NRSN1: variants seen among roughly 807,000 people sequenced by gnomAD.
The protein encoded by NRSN1 is neurensin-1.
A neutral mutation model predicts 17.3 loss-of-function variants in NRSN1; 14 were observed. The ratio of observed to expected loss-of-function variants is 0.81; its 90% confidence interval spans 0.54 to 1.27. The LOEUF (loss-of-function observed/expected upper bound fraction) is 1.27. Among genes scored for constraint, NRSN1 ranks in the 50% most tolerant of loss-of-function variants. The pLI is 0.00. For synonymous variants in NRSN1, 79 were observed against 94.2 expected, an observed-to-expected ratio of 0.84 and a Z score of 0.93; for missense variants, 209 against 235.9, an observed-to-expected ratio of 0.89 and a Z score of 0.75.
chr6:24,129,064 C>T (rs1221661821), intron 2 of NRSN1: 1 of 152,066 alleles, frequency 6.6e-6, no homozygotes, highest in East Asian at 1.9e-4. Flanking sequence ...TTTAAATTTC[C>T]AACACATTGA....
At chr6:24,129,224 A>T (rs1581546795) in intron 2 of NRSN1, 1 of 152,140 alleles carries the variant, frequency 6.6e-6, no homozygotes, top group East Asian at 1.9e-4. Context: ...TTGCTTCATG[A>T]GTGTGTCTCC....
At chr6:24,142,456 T>C (rs1351245712) in intron 3 of NRSN1, among the ~76,000 whole-genome samples, 1 of 152,064 alleles carries the variant, frequency 6.6e-6, no homozygotes, top group African/African-American at 2.4e-5. Context: ...CTATGCTTTT[T>C]TTCTCTCTCT....
At chr6:24,137,223 A>G (rs371964434) in intron 3 of NRSN1, among the ~76,000 whole-genome samples, 3 of 152,306 alleles carry the variant, frequency 2.0e-5, no homozygotes, top group South Asian at 4.1e-4. Flanking sequence ...GCAGCATGGC[A>G]AGACTTAATG....
At chr6:24,137,536 TTTA>T (rs1760135470) in intron 3 of NRSN1, among the ~76,000 whole-genome samples, 1 of 151,886 alleles carries the variant, frequency 6.6e-6, no homozygotes, top group Non-Finnish European at 1.5e-5. Flanking sequence ...TTTTTTTAAT[TTTA>T]TTATTATTAC....
In NRSN1 at chr6:24,146,206, T is replaced by C; in HGVS notation, c.*260T>C. 1.5e-6 allele frequency: 1 copy of C among 682,084 alleles called. No homozygotes were observed. Among genetic ancestry groups the C allele is most frequent in the Non-Finnish European group, 2.8e-6 (1 of 363,026 alleles). The allele number at this position is 682,084 out of a possible 1,614,324, so 42.3% of individuals were successfully genotyped here. On this transcript the variant is annotated 3_prime_UTR_variant, in exon 4 of 4. Transcript: ENST00000378491. ...CCGGCCACCAGAAAACCCCTGGAAC[T>C]CCTCTTTCATAGATCGTGACTTTGT... is the stretch of plus-strand genomic sequence containing the variant.
At chr6:24,127,394 G>T (rs1431502971) in intron 1 of NRSN1, among the ~76,000 whole-genome samples, 3 of 152,150 alleles carry the variant, frequency 2.0e-5, no homozygotes, top group Non-Finnish European at 4.4e-5. Flanking sequence ...AGGTTCTCCT[G>T]CAAACAAATG....
At position 24,128,134 on chromosome 6, in the gene NRSN1, A is replaced by G. The variant is rs1759977511; in HGVS notation, c.-76A>G. The G allele has an allele frequency of 6.6e-6, 1 of 152,228 alleles. No homozygotes were observed. The highest frequency in any genetic ancestry group is 1.5e-5 in the Non-Finnish European group (1 of 68,034). 9.4% of individuals were successfully genotyped at this position (152,228 alleles called of 1,614,324 possible). A position where few individuals can be genotyped will look rare whatever the true frequency, so the allele number is the denominator to read the frequency against. ...AGACTTTTTTCTTAAATAGGATTGAAGAATGCGCCATTAAAAGGAAAGATC... is the reference window on the plus strand; with the variant it reads ...AGACTTTTTTCTTAAATAGGATTGAGGAATGCGCCATTAAAAGGAAAGATC... On this transcript the variant is annotated 5_prime_UTR_variant, in exon 2 of 4. Coordinates refer to ENST00000378491, the MANE Select transcript of NRSN1 (RefSeq NM_080723.5).
chr6:24,143,982 G>A (rs143957945), intron 3 of NRSN1, among the ~76,000 whole-genome samples: 16 of 152,220 alleles, frequency 1.1e-4, no homozygotes, highest in Middle Eastern at 6.8e-3. Context: ...CGAAGCATGC[G>A]TCCATTTATT....
intron 3 of NRSN1, among the ~76,000 whole-genome samples, chr6:24,144,087 C>T (rs1760261595): frequency 6.6e-6 from 1 of 152,138 alleles, no homozygotes; most frequent in African/African-American, 2.4e-5. Context: ...GTTTAACCTC[C>T]ATCTGCTATT....
At chr6:24,134,245 C>A in intron 2 of NRSN1, 74 bp from the exon 3 acceptor site, 1 of 1,228,078 alleles carries the variant, frequency 8.1e-7, no homozygotes, top group South Asian at 1.4e-5. Context: ...CAGTCTGGTT[C>A]TTACCTTTCA....
intron 3 of NRSN1, chr6:24,140,840 C>A: frequency 1.6e-6 from 2 of 1,271,732 alleles, no homozygotes; most frequent in Non-Finnish European, 1.0e-6. Context: ...AAAATAACAG[C>A]AGTCTCTGGC....
chr6:24,134,574 T>C lies in NRSN1; in HGVS notation c.189+58T>C. ...TGGAAAAATTATTGGACATGGTTAATACTGCAGCTGTGGAGGATGGAGAGG... is the reference window on the plus strand; with the variant it reads ...TGGAAAAATTATTGGACATGGTTAACACTGCAGCTGTGGAGGATGGAGAGG... On this transcript the variant is annotated intron_variant, in intron 3 of 3. Coordinates refer to ENST00000378491, the MANE Select transcript of NRSN1 (RefSeq NM_080723.5). The C allele has an allele frequency of 4.3e-6, 6 of 1,399,644 alleles. No individual in the cohort carries two copies. The South Asian group carries it at 6.1e-5, about 14-fold the overall frequency. 86.7% of individuals were successfully genotyped at this position (1,399,644 alleles called of 1,614,324 possible).
At position 24,145,481 on chromosome 6, in the gene NRSN1, G is replaced by A. The variant is rs1760287815; in HGVS notation, c.190-67G>A. On this transcript the variant is annotated intron_variant, in intron 3 of 3. Transcript: ENST00000378491. The surrounding 1 kb of genome is among the most constrained non-coding windows in gnomAD (Gnocchi z 4.4). Reference sequence around the variant, plus strand: ...AAGAAACAAGACAAGTGCTGCCCTTGAGGGCTCAGGGGCGAGCCGAAGCAC... The same window carrying A: ...AAGAAACAAGACAAGTGCTGCCCTTAAGGGCTCAGGGGCGAGCCGAAGCAC... 8.0e-7 allele frequency: 1 copy of A among 1,252,444 alleles called. No individual in the cohort carries two copies. Among genetic ancestry groups the A allele is most frequent in the Non-Finnish European group, 1.1e-6 (1 of 922,858 alleles). 77.6% of individuals were successfully genotyped at this position (1,252,444 alleles called of 1,614,324 possible). A position where few individuals can be genotyped will look rare whatever the true frequency, so the allele number is the denominator to read the frequency against.
intron 3 of NRSN1, among the ~76,000 whole-genome samples, chr6:24,139,071 C>T (rs1210773781): frequency 6.6e-6 from 1 of 152,056 alleles, no homozygotes; most frequent in African/African-American, 2.4e-5. Context: ...TGAATTGATT[C>T]CTCTTAGTTG....
chr6:24,134,247 T>C, intron 2 of NRSN1, 72 bp from the exon 3 acceptor site: 2 of 1,248,318 alleles, frequency 1.6e-6, no homozygotes, highest in Non-Finnish European at 1.1e-6. Flanking sequence ...GTCTGGTTCT[T>C]ACCTTTCATA....
In NRSN1 at chr6:24,134,498, G is replaced by A. The variant is rs368728630; in HGVS notation, c.171G>A (p.Trp57Ter). 4 of 1,613,826 alleles carry A rather than the reference G, an allele frequency of 2.5e-6. No individual in the cohort carries two copies. The highest frequency in any genetic ancestry group is 3.4e-6 in the Non-Finnish European group (4 of 1,179,882). Residue 57 changes from tryptophan to a stop codon, truncating the protein, a stop_gained, in exon 3 of 4, where the codon TGG becomes TGA. Transcript: ENST00000378491. LOFTEE classifies it high-confidence loss of function. ...DFQIQRSPNR[W>*]SSVFWKVGLI... ...AGATCCAAAGATCACCTAACAGGTG[G>A]AGCTCAGTATTCTGGAAGGTAAGGA... is the stretch of plus-strand genomic sequence containing the variant.
chr6:24,144,194 C>A (rs1182581713), intron 3 of NRSN1, among the ~76,000 whole-genome samples: 3 of 152,196 alleles, frequency 2.0e-5, no homozygotes, highest in Non-Finnish European at 4.4e-5. Flanking sequence ...TGGGTTCTAA[C>A]CCTGCCTCTG....
At chr6:24,144,662 G>A (rs187831882) in intron 3 of NRSN1, among the ~76,000 whole-genome samples, 18 of 152,212 alleles carry the variant, frequency 1.2e-4, no homozygotes, top group Non-Finnish European at 1.8e-4. Context: ...AGCCAGGAGC[G>A]GGGGTCATGT....
chr6:24,142,105 T>C (rs1350984106), intron 3 of NRSN1, among the ~76,000 whole-genome samples: 1 of 149,182 alleles, frequency 6.7e-6, no homozygotes, highest in Admixed American at 6.8e-5. Context: ...CTTGCCACCA[T>C]TTTTAGAAAA....
Sources: allele counts gnomAD v4.1 joint callset (sites outside exome capture counted in the v4.1 genomes callset), GRCh38; gene constraint gnomAD v4.1.1; non-coding constraint Gnocchi (gnomAD v3.1); transcripts MANE v1.5; gene names NCBI Gene and HGNC (gene_info 2026-07-23, HGNC 2026-07-21).